Variants in LINGO2 observed in about 807,000 individuals in gnomAD.
LINGO2 encodes leucine rich repeat and Ig domain containing 2, also known as leucine-rich repeat and immunoglobulin-like domain-containing nogo receptor-interacting protein 2.
In LINGO2, 14 loss-of-function variants were observed where a neutral mutation model predicts 30.6. The ratio of observed to expected loss-of-function variants is 0.46; its 90% CI spans 0.30 to 0.72. The LOEUF (loss-of-function observed/expected upper bound fraction) is 0.72, where lower values mean the gene tolerates loss of function less well. Among genes scored for constraint, LINGO2 ranks in the 30% least tolerant of loss-of-function variants. The pLI is 0.07. For synonymous variants in LINGO2, 317 were observed against 288.5 expected (o/e 1.10, Z -1.00); for missense variants, 729 against 751.7 (o/e 0.97, Z 0.35).
chr9:28,391,603 G>C (rs545927624), intron 2 of LINGO2, among the ~76,000 whole-genome samples: 1 of 91,192 alleles, frequency 1.1e-5, no homozygotes, highest in South Asian at 4.1e-4. Context: ...ATTTATGTTT[G>C]CGTGTGTGTG....
At chr9:28,472,679 C>T (rs1370657963) in intron 2 of LINGO2, among the ~76,000 whole-genome samples, 1 of 151,784 alleles carries the variant, frequency 6.6e-6, no homozygotes, top group Non-Finnish European at 1.5e-5. Context: ...ATTTTGGTCT[C>T]TTCTTTTCAT....
At chr9:29,000,473 A>G in the LINGO2 span, among the ~76,000 whole-genome samples, 1 of 151,906 alleles carries the variant, frequency 6.6e-6, no homozygotes, top group African/African-American at 2.4e-5. Flanking sequence ...TGAGCACACC[A>G]ATTATCCCCA....
the LINGO2 span, among the ~76,000 whole-genome samples, chr9:29,081,839 G>A: frequency 1.3e-5 from 2 of 151,632 alleles, no homozygotes; most frequent in African/African-American, 2.4e-5. Context: ...TTGCTTCAAA[G>A]CAAATAAAAT....
the LINGO2 span, among the ~76,000 whole-genome samples, chr9:29,169,472 A>G: frequency 2.0e-5 from 3 of 152,102 alleles, no homozygotes; most frequent in Non-Finnish European, 4.4e-5. Context: ...CAAAAGACAT[A>G]CACAGACATT....
At chr9:28,744,839 G>A in the LINGO2 span, among the ~76,000 whole-genome samples, 3,110 of 151,748 alleles carry the variant, frequency 0.02, 132 homozygotes, top group African/African-American at 0.072. Context: ...GTTTCATCAT[G>A]TTGGACAGGA....
At chr9:28,203,314 G>A (rs1820300706) in intron 4 of LINGO2, among the ~76,000 whole-genome samples, 1 of 152,110 alleles carries the variant, frequency 6.6e-6, no homozygotes, top group Non-Finnish European at 1.5e-5. Flanking sequence ...TGATATTGTT[G>A]CTAACAGTCA....
chr9:28,891,297 T>C, the LINGO2 span, among the ~76,000 whole-genome samples: 5 of 151,968 alleles, frequency 3.3e-5, no homozygotes, highest in African/African-American at 1.2e-4. Context: ...GGGACTTAGT[T>C]TTCTCATTTC....
At chr9:28,804,564 C>CAAAAACA in the LINGO2 span, among the ~76,000 whole-genome samples, 2,739 of 127,740 alleles carry the variant, frequency 0.021, 83 homozygotes, top group African/African-American at 0.06. Flanking sequence ...AAAACAAAAA[C>CAAAAACA]AAAAAAAAAA....
intron 2 of LINGO2, among the ~76,000 whole-genome samples, chr9:28,430,096 A>ACG (rs751030016): frequency 4.2e-4 from 28 of 66,968 alleles, no homozygotes; most frequent in African/African-American, 1.4e-3. Flanking sequence ...GCTGATTTCC[A>ACG]CGCGCGCGCG....
intron 4 of LINGO2, among the ~76,000 whole-genome samples, chr9:28,084,174 G>C (rs1390127667): frequency 4.6e-5 from 7 of 152,090 alleles, no homozygotes; most frequent in Non-Finnish European, 1.0e-4. Context: ...CCGTTTTAAA[G>C]AATTTGTTAT....
chr9:28,353,911 C>G (rs982385499), intron 3 of LINGO2, among the ~76,000 whole-genome samples: 1 of 152,110 alleles, frequency 6.6e-6, no homozygotes, highest in Non-Finnish European at 1.5e-5. Flanking sequence ...GAACAAAAAT[C>G]CAAACACTGC....
chr9:28,923,704 A>G, the LINGO2 span, among the ~76,000 whole-genome samples: 1 of 152,204 alleles, frequency 6.6e-6, no homozygotes, highest in East Asian at 1.9e-4. Flanking sequence ...ACTAACAATT[A>G]CTAATGAAGG....
intron 4 of LINGO2, among the ~76,000 whole-genome samples, chr9:28,166,523 T>C (rs546282417): frequency 1.3e-5 from 2 of 152,310 alleles, no homozygotes; most frequent in South Asian, 4.1e-4. Flanking sequence ...GGTATTTATG[T>C]TGGACAGTGA....
intron 1 of LINGO2, among the ~76,000 whole-genome samples, chr9:28,526,951 G>C (rs950570373): frequency 6.6e-6 from 1 of 152,016 alleles, no homozygotes; most frequent in Non-Finnish European, 1.5e-5. Context: ...TTATAATGTA[G>C]TTTAAAGAAT....
chr9:27,989,672 A>C (rs1821299769), intron 5 of LINGO2, among the ~76,000 whole-genome samples: 1 of 152,034 alleles, frequency 6.6e-6, no homozygotes, highest in African/African-American at 2.4e-5. Flanking sequence ...GTCCAGAACA[A>C]AAGAACACAG....
chr9:28,529,795 A>G (rs563334992), intron 1 of LINGO2, among the ~76,000 whole-genome samples: 1 of 152,176 alleles, frequency 6.6e-6, no homozygotes, highest in South Asian at 2.1e-4. Flanking sequence ...CTATAAATAT[A>G]AATGCAAATG....
At chr9:29,183,801 T>C in the LINGO2 span, among the ~76,000 whole-genome samples, 1 of 150,466 alleles carries the variant, frequency 6.6e-6, no homozygotes, top group Non-Finnish European at 1.5e-5. Context: ...ATGTAGCATC[T>C]CAACAGAGAA....
At chr9:28,191,381 G>T (rs1819817646) in intron 4 of LINGO2, among the ~76,000 whole-genome samples, 2 of 152,118 alleles carry the variant, frequency 1.3e-5, no homozygotes, top group African/African-American at 4.8e-5. Flanking sequence ...CCCCAAATCT[G>T]CAGCTGAGAG....
chr9:28,421,664 T>TAG (rs1823205016), intron 2 of LINGO2, among the ~76,000 whole-genome samples: 1 of 152,060 alleles, frequency 6.6e-6, no homozygotes, highest in Admixed American at 6.6e-5. Flanking sequence ...ACCTTCTAGA[T>TAG]ACAAGGATTT....
Sources: allele counts gnomAD v4.1 joint callset (sites outside exome capture counted in the v4.1 genomes callset), GRCh38; gene constraint gnomAD v4.1.1; transcripts MANE v1.5; gene names NCBI Gene and HGNC (gene_info 2026-07-23, HGNC 2026-07-21).